The following TCF7L2 variants were observed in gnomAD, a reference collection of about 807,000 sequenced individuals.
TCF7L2 encodes the protein transcription factor 7 like 2.
TCF7L2 carries 23 observed loss-of-function variants against 77.9 expected under a neutral mutation model. That is an observed-to-expected ratio of 0.30 (90% CI 0.21 to 0.42). The LOEUF is 0.42. TCF7L2 is among the 10% of genes least tolerant of loss of function. The pLI is 1.00. For missense variants in TCF7L2, 654 were observed against 793.1 expected, an observed-to-expected ratio of 0.82 and a Z score of 2.11; for synonymous variants, 413 against 340.2, an observed-to-expected ratio of 1.21 and a Z score of -2.36.
intron 5 of TCF7L2, among the ~76,000 whole-genome samples, chr10:113,066,729 T>C (rs1012207012): frequency 6.6e-6 from 1 of 152,234 alleles, no homozygotes; most frequent in African/African-American, 2.4e-5. Context: ...TAGAAGACCA[T>C]ACCAATCACA....
At chr10:113,033,080 C>T (rs1229110746) in intron 4 of TCF7L2, among the ~76,000 whole-genome samples, 4 of 151,990 alleles carry the variant, frequency 2.6e-5, no homozygotes, top group East Asian at 1.9e-4. Context: ...AAAAGAGTTC[C>T]GACTATGTTG....
intron 5 of TCF7L2, among the ~76,000 whole-genome samples, chr10:113,046,669 A>G (rs958154544): frequency 1.3e-5 from 2 of 152,052 alleles, no homozygotes; most frequent in Admixed American, 6.5e-5. Context: ...AAGGATGGGA[A>G]TTGCTAATTT....
At chr10:112,976,799 C>A (rs1228355642) in intron 4 of TCF7L2, among the ~76,000 whole-genome samples, 1 of 152,120 alleles carries the variant, frequency 6.6e-6, no homozygotes, top group Non-Finnish European at 1.5e-5. Context: ...TTCTTTTCCA[C>A]GTATCTTAGA....
chr10:113,112,037 C>T (rs980974763), intron 5 of TCF7L2, among the ~76,000 whole-genome samples: 1 of 152,176 alleles, frequency 6.6e-6, no homozygotes, highest in African/African-American at 2.4e-5. Flanking sequence ...GCATTTGAAA[C>T]CAGTTTCACA....
intron 5 of TCF7L2, among the ~76,000 whole-genome samples, chr10:113,073,099 C>CATGTGTGTGT (rs145753150): frequency 9.6e-6 from 1 of 103,962 alleles, no homozygotes; most frequent in Non-Finnish European, 1.9e-5. Flanking sequence ...AGGGCCAGGT[C>CATGTGTGTGT]GTGTGTGTGT....
At chr10:113,135,890 A>T (rs1163009286) in intron 5 of TCF7L2, among the ~76,000 whole-genome samples, 1 of 151,986 alleles carries the variant, frequency 6.6e-6, no homozygotes. Flanking sequence ...GAGTTTGAGG[A>T]CAGATCCCAC....
At chr10:113,097,168 T>C (rs2061082698) in intron 5 of TCF7L2, among the ~76,000 whole-genome samples, 1 of 152,150 alleles carries the variant, frequency 6.6e-6, no homozygotes, top group African/African-American at 2.4e-5. Flanking sequence ...GCTAGGTTTG[T>C]GGCAATATTT....
At chr10:113,139,249 C>T (rs893193777) in intron 5 of TCF7L2, among the ~76,000 whole-genome samples, 1 of 152,162 alleles carries the variant, frequency 6.6e-6, no homozygotes, top group Non-Finnish European at 1.5e-5. Flanking sequence ...CCACTTTGTC[C>T]GTGTCTGTCT....
At chr10:113,088,147 A>T (rs915999566) in intron 5 of TCF7L2, among the ~76,000 whole-genome samples, 36 of 151,840 alleles carry the variant, frequency 2.4e-4, no homozygotes, top group Non-Finnish European at 4.9e-4. Context: ...CTTTTTTTTT[A>T]AAAAGAAACG....
chr10:112,997,314 G>T (rs551992734), intron 4 of TCF7L2, among the ~76,000 whole-genome samples: 11 of 152,336 alleles, frequency 7.2e-5, no homozygotes, highest in Non-Finnish European at 1.3e-4. Context: ...AAGTTTGCTT[G>T]TCTTGATTGG....
chr10:113,118,669 T>G (rs74157222), intron 5 of TCF7L2, among the ~76,000 whole-genome samples: 1 of 28,704 alleles, frequency 3.5e-5, no homozygotes, highest in South Asian at 4.5e-4. Flanking sequence ...TTTTTGTTTT[T>G]TTTTTTTTGT....
intron 7 of TCF7L2, among the ~76,000 whole-genome samples, chr10:113,145,500 A>C (rs1325872552): frequency 6.6e-6 from 1 of 152,152 alleles, no homozygotes; most frequent in African/African-American, 2.4e-5. Flanking sequence ...TCCCCCCGGT[A>C]ACTCTTGTCA....
At chr10:113,070,916 G>A (rs147051615) in intron 5 of TCF7L2, among the ~76,000 whole-genome samples, 17 of 152,180 alleles carry the variant, frequency 1.1e-4, no homozygotes, top group African/African-American at 3.4e-4. Flanking sequence ...CAAAACCCCC[G>A]TGTCTCCTAG....
At chr10:112,998,146 C>A (rs1348139079) in intron 4 of TCF7L2, among the ~76,000 whole-genome samples, 2 of 150,048 alleles carry the variant, frequency 1.3e-5, no homozygotes, top group African/African-American at 4.9e-5. Context: ...ACCATGTTGG[C>A]CAGTCTAGGC....
intron 4 of TCF7L2, chr10:112,987,348 A>G (rs2041728045): frequency 1.3e-5 from 2 of 152,132 alleles, no homozygotes; most frequent in South Asian, 4.1e-4. Context: ...GTGATAATGA[A>G]ATGAAATGAT....
At position 113,104,961 on chromosome 10, in the gene TCF7L2, C is replaced by A. The variant is rs560612250; in HGVS notation, c.553-36223C>A. On this transcript the variant is annotated intron_variant, in intron 5 of 13. Coordinates refer to ENST00000627217, the MANE Select transcript of TCF7L2 (RefSeq NM_001146274.2). The stretch of plus-strand genomic sequence containing the variant: ...AGATTGCTGGCTGATAGTCTCCCTC[C>A]CTGCAATGTTGGCAGGAAGCAGAAA... Among the ~76,000 whole-genome samples the A allele has an allele frequency of 3.8e-4, 58 of 152,280 alleles. No homozygotes were observed. In the South Asian group the frequency reaches 4.1e-3, roughly 11 times the overall value.
chr10:112,990,049 A>C (rs1041262514), intron 4 of TCF7L2, among the ~76,000 whole-genome samples: 1 of 152,190 alleles, frequency 6.6e-6, no homozygotes, highest in African/African-American at 2.4e-5. Context: ...GGCACGTTGC[A>C]GAAATGATTA....
At chr10:113,006,068 T>A (rs2045493527) in intron 4 of TCF7L2, among the ~76,000 whole-genome samples, 1 of 152,042 alleles carries the variant, frequency 6.6e-6, no homozygotes, top group African/African-American at 2.4e-5. Flanking sequence ...CTTGTTAGAT[T>A]TGGGGAGAGT....
chr10:113,063,810 G>T (rs780050097), intron 5 of TCF7L2, among the ~76,000 whole-genome samples: 2 of 152,052 alleles, frequency 1.3e-5, no homozygotes, highest in African/African-American at 2.4e-5. Context: ...CGAGAGATCT[G>T]GTAAATGTTA....
Sources: gnomAD v4.1 joint callset for allele counts (sites outside exome capture counted in the v4.1 genomes callset) on GRCh38, gnomAD v4.1.1 for gene constraint, MANE v1.5 for transcripts, NCBI Gene and HGNC (gene_info 2026-07-23, HGNC 2026-07-21) for gene names.